Variants in MBD5 observed in about 807,000 individuals in gnomAD.
MBD5 encodes the protein methyl-CpG binding domain protein 5.
A neutral mutation model predicts 117.3 loss-of-function variants in MBD5; 13 were observed. The ratio of observed to expected loss-of-function variants is 0.11; its 90% CI spans 0.07 to 0.18. The LOEUF is 0.18. MBD5 is among the 10% of genes least tolerant of loss of function. MBD5 has a pLI of 1.00. For missense variants in MBD5, 1,879 were observed against 2,093.8 expected, an observed-to-expected ratio of 0.90 and a Z score of 2.00; for synonymous variants, 727 against 766.4, an observed-to-expected ratio of 0.95 and a Z score of 0.85.
chr2:148,172,554 A>T (rs1698287429), intron 1 of MBD5, among the ~76,000 whole-genome samples: 1 of 152,124 alleles, frequency 6.6e-6, no homozygotes, highest in Non-Finnish European at 1.5e-5. Flanking sequence ...GGTTGACATG[A>T]TTGATGGCAG....
At chr2:148,055,418 C>CTTTTTTTTT (rs56877252) in intron 1 of MBD5, 4 of 140,910 alleles carry the variant, frequency 2.8e-5, no homozygotes, top group Non-Finnish European at 6.2e-5. Context: ...ATAGGTTTTT[C>CTTTTTTTTT]TTTTTTTTTT....
At chr2:148,345,596 TAC>T (rs1559033440) in intron 4 of MBD5, among the ~76,000 whole-genome samples, 12 of 113,742 alleles carry the variant, frequency 1.1e-4, no homozygotes, top group African/African-American at 3.7e-4. Flanking sequence ...TATACACGTA[TAC>T]ACATACATAT....
At chr2:148,430,174 T>C (rs940812028) in intron 4 of MBD5, among the ~76,000 whole-genome samples, 6 of 152,172 alleles carry the variant, frequency 3.9e-5, no homozygotes, top group African/African-American at 1.4e-4. Context: ...AATTAATGAA[T>C]TTAGTGCTTA....
At chr2:148,136,448 G>A (rs1484342154) in intron 1 of MBD5, among the ~76,000 whole-genome samples, 4 of 152,158 alleles carry the variant, frequency 2.6e-5, no homozygotes, top group Non-Finnish European at 5.9e-5. Context: ...GTATACAAAT[G>A]AACAAATTAA....
intron 3 of MBD5, among the ~76,000 whole-genome samples, chr2:148,302,461 T>C (rs1013236625): frequency 2.0e-5 from 3 of 152,244 alleles, no homozygotes; most frequent in African/African-American, 7.2e-5. Context: ...TCCATGCTTC[T>C]TGCTGTTATT....
intron 3 of MBD5, among the ~76,000 whole-genome samples, chr2:148,279,265 T>TA (rs996073686): frequency 4.6e-5 from 7 of 151,984 alleles, no homozygotes; most frequent in African/African-American, 1.7e-4. Flanking sequence ...TCCCATTTCT[T>TA]AAAAAATGAG....
chr2:148,334,014 CT>C lies in MBD5; in HGVS notation c.-679-8192del, dbSNP rs1043953432. The stretch of plus-strand genomic sequence containing the variant: ...AGTATATAATTCTTTTTAGTTTCTT[CT>C]TTTTTTTGTTTATTTATTTATTTAC... On this transcript the variant is annotated intron_variant, in intron 3 of 13. Transcript: ENST00000642680. 4.2e-4 allele frequency among the ~76,000 whole-genome samples: 64 copies of C among 152,068 alleles called. No individual in the cohort carries two copies. In the East Asian group the frequency reaches 0.011, roughly 26 times the overall value.
At chr2:148,069,331 G>A (rs1265250224) in intron 1 of MBD5, among the ~76,000 whole-genome samples, 1 of 151,716 alleles carries the variant, frequency 6.6e-6, no homozygotes, top group African/African-American at 2.4e-5. Context: ...TTATTTTTAT[G>A]TCAATACATA....
At chr2:148,497,944 A>T (rs1393753201) in intron 11 of MBD5, among the ~76,000 whole-genome samples, 2 of 152,186 alleles carry the variant, frequency 1.3e-5, no homozygotes, top group Non-Finnish European at 2.9e-5. Flanking sequence ...ACCCACAAAG[A>T]TGTGCAGAAT....
chr2:148,250,459 AC>A (rs1235789643), intron 3 of MBD5, among the ~76,000 whole-genome samples: 1 of 152,238 alleles, frequency 6.6e-6, no homozygotes, highest in African/African-American at 2.4e-5. Context: ...GCTGGGCCCC[AC>A]AGAATAGTAC....
chr2:148,313,704 C>T (rs1179065386), intron 3 of MBD5, among the ~76,000 whole-genome samples: 6 of 152,216 alleles, frequency 3.9e-5, no homozygotes, highest in Non-Finnish European at 8.8e-5. Context: ...AAATCTCCTG[C>T]AGCTAGCTCA....
At position 148,510,246 on chromosome 2, in the gene MBD5, A is replaced by G. The variant is rs1465244520; in HGVS notation, c.5112+111A>G. On this transcript the variant is annotated intron_variant, in intron 13 of 13. Transcript: ENST00000642680. ...CAAACAACTCACATAGCAATACTAAATTACTAGCCTAGAAAAAAAAGACAA... is the reference window on the plus strand; with the variant it reads ...CAAACAACTCACATAGCAATACTAAGTTACTAGCCTAGAAAAAAAAGACAA... 6 of 742,034 alleles carry G rather than the reference A, an allele frequency of 8.1e-6. No homozygotes were observed. In the East Asian group the frequency reaches 1.6e-4, roughly 20 times the overall value. The allele number at this position is 742,034 out of a possible 1,614,324, so 46.0% of individuals were successfully genotyped here. A position where few individuals can be genotyped will look rare whatever the true frequency, so the allele number is the denominator to read the frequency against.
intron 3 of MBD5, among the ~76,000 whole-genome samples, chr2:148,239,135 A>G (rs1350334881): frequency 3.3e-5 from 5 of 152,038 alleles, no homozygotes; most frequent in Non-Finnish European, 5.9e-5. Flanking sequence ...GAATTTTGAA[A>G]ACAAATTTCT....
In MBD5 at chr2:148,238,126, G is replaced by T. The variant is rs553669868; in HGVS notation, c.-680+4731G>T. On this transcript the variant is annotated intron_variant, in intron 3 of 13. Transcript: ENST00000642680. ...ATTCTTAAAAAAGAACAATGAATTT[G>T]CTCATTCTATTTATGCCAAACTTGT... is the stretch of plus-strand genomic sequence containing the variant. Among the ~76,000 whole-genome samples the T allele has an allele frequency of 3.8e-4, 58 of 152,182 alleles. No homozygotes were observed. The South Asian group carries it at 0.011, about 30-fold the overall frequency.
At chr2:148,023,549 T>C (rs1693823573) in intron 1 of MBD5, among the ~76,000 whole-genome samples, 1 of 152,192 alleles carries the variant, frequency 6.6e-6, no homozygotes, top group Non-Finnish European at 1.5e-5. Context: ...TTCAAGTTTT[T>C]CTCCCAACAT....
At chr2:148,111,373 G>GA (rs1696500075) in intron 1 of MBD5, among the ~76,000 whole-genome samples, 1 of 152,000 alleles carries the variant, frequency 6.6e-6, no homozygotes, top group South Asian at 2.1e-4. Flanking sequence ...TCAAACTGAG[G>GA]AACAGTCTGC....
At chr2:148,249,740 A>G (rs1157155388) in intron 3 of MBD5, among the ~76,000 whole-genome samples, 1 of 152,074 alleles carries the variant, frequency 6.6e-6, no homozygotes, top group Non-Finnish European at 1.5e-5. Flanking sequence ...ATTATTACTT[A>G]CCTCACTCTT....
At chr2:148,222,445 T>C (rs542118729) in intron 2 of MBD5, among the ~76,000 whole-genome samples, 1 of 152,138 alleles carries the variant, frequency 6.6e-6, no homozygotes. Flanking sequence ...CTTTCATCAG[T>C]ATTTTATAAT....
chr2:148,439,751 T>A (rs1161741576), intron 4 of MBD5, among the ~76,000 whole-genome samples: 1 of 151,490 alleles, frequency 6.6e-6, no homozygotes, highest in Non-Finnish European at 1.5e-5. Flanking sequence ...TTTTTTTTTT[T>A]TTTTTAGAGA....
Sources: gnomAD v4.1 joint callset for allele counts (sites outside exome capture counted in the v4.1 genomes callset) on GRCh38, gnomAD v4.1.1 for gene constraint, MANE v1.5 for transcripts, NCBI Gene and HGNC (gene_info 2026-07-23, HGNC 2026-07-21) for gene names.